The following IFT74 variants were observed in gnomAD, a reference collection of about 807,000 sequenced individuals.
IFT74 encodes the protein intraflagellar transport protein 74 homolog.
Under a neutral mutation model 96.7 loss-of-function variants are expected in IFT74, and 92 were observed. The ratio of observed to expected loss-of-function variants is 0.95; its 90% CI spans 0.80 to 1.13. IFT74 has a LOEUF of 1.13. Ranked by LOEUF, IFT74 falls within the 50% of genes most tolerant of loss-of-function variation. The probability of loss-of-function intolerance (pLI) is 0.00; values close to 1 mark genes in which losing one functional copy is unlikely to be tolerated. For synonymous variants in IFT74, 223 were observed against 213.2 expected (o/e 1.05, Z -0.40); for missense variants, 811 against 698.2 (o/e 1.16, Z -1.82).
chr9:26,996,809 C>T (rs185997261), intron 8 of IFT74, among the ~76,000 whole-genome samples: 3 of 152,210 alleles, frequency 2.0e-5, no homozygotes, highest in East Asian at 3.9e-4. Context: ...AGTTAAAATA[C>T]GTCACTTGTT....
chr9:26,996,969 G>T (rs1828189138), intron 8 of IFT74, among the ~76,000 whole-genome samples: 1 of 152,172 alleles, frequency 6.6e-6, no homozygotes, highest in Non-Finnish European at 1.5e-5. Context: ...CCAGCACTTT[G>T]GGAGGCCGAG....
intron 19 of IFT74, among the ~76,000 whole-genome samples, chr9:27,061,973 T>C (rs1458595750): frequency 6.6e-6 from 1 of 152,180 alleles, no homozygotes; most frequent in Non-Finnish European, 1.5e-5. Context: ...TTGTTTCCTA[T>C]TCCCTTCTTT....
chr9:26,978,277 G>T lies in IFT74; in HGVS notation c.256+14G>T. ...CTGGGACGAAAGGTACCTATTTTAA[G>T]ATAAGTATGACACTTGGGCCTGTGT... On this transcript the variant is annotated intron_variant, in intron 3 of 19. Transcript: ENST00000380062. 1 of 1,611,740 alleles carries T rather than the reference G, an allele frequency of 6.2e-7. No homozygotes were observed. Among genetic ancestry groups the T allele is most frequent in the South Asian group, 1.1e-5 (1 of 90,588 alleles).
At chr9:26,989,385 G>A (rs116356248) in intron 7 of IFT74, among the ~76,000 whole-genome samples, 1,932 of 152,110 alleles carry the variant, frequency 0.013, 38 homozygotes, top group African/African-American at 0.045. Context: ...TGTATTCAAT[G>A]TTCTTAGATT....
At chr9:26,979,503 C>T (rs1345756060) in intron 3 of IFT74, among the ~76,000 whole-genome samples, 3 of 151,894 alleles carry the variant, frequency 2.0e-5, no homozygotes, top group Non-Finnish European at 4.4e-5. Context: ...AGAGAGAATT[C>T]GGAACATTAC....
intron 9 of IFT74, among the ~76,000 whole-genome samples, chr9:27,011,289 A>G (rs971234974): frequency 6.6e-6 from 1 of 152,174 alleles, no homozygotes; most frequent in Non-Finnish European, 1.5e-5. Flanking sequence ...AAATGCCAAA[A>G]TAGTACCAAA....
At chr9:26,952,380 A>C (rs112510204), upstream of IFT74, among the ~76,000 whole-genome samples, 8,075 of 151,286 alleles carry the variant, frequency 0.053, 262 homozygotes, top group South Asian at 0.13. Context: ...GGGTTCAAGC[A>C]ATTCTCCTGC....
At chr9:26,979,729 T>TTC (rs1177193874) in intron 3 of IFT74, among the ~76,000 whole-genome samples, 76 of 146,946 alleles carry the variant, frequency 5.2e-4, no homozygotes, top group African/African-American at 1.8e-3. Context: ...TTTTTTTTTT[T>TTC]TGAGATGGGG....
chr9:26,975,800 G>A (rs939152614), intron 2 of IFT74, among the ~76,000 whole-genome samples: 1 of 152,104 alleles, frequency 6.6e-6, no homozygotes, highest in Non-Finnish European at 1.5e-5. Context: ...TCAGTCCCTC[G>A]TATTAGAGAT....
chr9:26,957,217 C>T lies in IFT74; in HGVS notation c.-20+701C>T, dbSNP rs1248844874. On this transcript the variant is annotated intron_variant, in intron 1 of 19. Transcript: ENST00000380062. The stretch of plus-strand genomic sequence containing the variant: ...TGCTAATGCCCGCCTCTTAATCCCA[C>T]TGGTAATAATATAATGGTAAGCTTT... Among the ~76,000 whole-genome samples the T allele has an allele frequency of 3.9e-5, 6 of 152,304 alleles. No homozygotes were observed. In the East Asian group the frequency reaches 5.8e-4, roughly 15 times the overall value.
chr9:26,970,267 A>G (rs1400355351), intron 2 of IFT74, among the ~76,000 whole-genome samples: 1 of 152,188 alleles, frequency 6.6e-6, no homozygotes, highest in Non-Finnish European at 1.5e-5. Flanking sequence ...CATACAAACA[A>G]TGGAGAAGTA....
At chr9:27,044,852 A>T in intron 14 of IFT74, 57 bp downstream of exon 14, 3 of 1,034,080 alleles carry the variant, frequency 2.9e-6, no homozygotes, top group African/African-American at 1.6e-5. Flanking sequence ...CTGTTCATTT[A>T]TACCAAATCA....
intron 13 of IFT74, 57 bp downstream of exon 13, chr9:27,029,161 A>G (rs1270361733): frequency 3.0e-6 from 4 of 1,340,212 alleles, no homozygotes; most frequent in East Asian, 2.3e-5. Context: ...GTATTAATAT[A>G]GTGTTAACTG....
At chr9:27,027,048 A>G (rs1382075356) in intron 12 of IFT74, among the ~76,000 whole-genome samples, 1 of 152,190 alleles carries the variant, frequency 6.6e-6, no homozygotes, top group Non-Finnish European at 1.5e-5. Context: ...CTTTGAAAAG[A>G]TAAACAAAAT....
rs775728464 is a variant in IFT74, at chr9:26,962,036, G to T, written c.69G>T (p.Arg23Ser). The T allele has an allele frequency of 6.2e-7, 1 of 1,614,130 alleles. No homozygotes were observed. The highest frequency in any genetic ancestry group is 1.1e-5 in the South Asian group (1 of 91,076). The change falls in exon 2 of 20, where the codon AGG (arginine) becomes AGT (serine). Residue 23 changes from arginine to serine, a missense_variant. By Grantham distance (110) the Arg-to-Ser change is moderately radical. Transcript: ENST00000380062. ...VSRGGVGLTG[R>S]PPSGIRPLSG... ...GAGGTGGAGTTGGGTTAACAGGAAG[G>T]CCTCCTTCTGGGATACGACCCCTAT...
chr9:27,059,642 A>G (rs564976431), intron 18 of IFT74, among the ~76,000 whole-genome samples: 2 of 152,368 alleles, frequency 1.3e-5, no homozygotes, highest in African/African-American at 2.4e-5. Flanking sequence ...TGATGTGATT[A>G]GTAATACCAG....
At chr9:27,028,420 ACT>A (rs1829972677) in intron 12 of IFT74, among the ~76,000 whole-genome samples, 1 of 152,172 alleles carries the variant, frequency 6.6e-6, no homozygotes, top group African/African-American at 2.4e-5. Context: ...AACTCAGGCA[ACT>A]AGTGTTCTCA....
At chr9:27,018,992 G>C (rs1485360136) in intron 12 of IFT74, among the ~76,000 whole-genome samples, 1 of 151,774 alleles carries the variant, frequency 6.6e-6, no homozygotes, top group Non-Finnish European at 1.5e-5. Context: ...ATCTTTTTGA[G>C]ACCAGGTCTC....
intron 8 of IFT74, among the ~76,000 whole-genome samples, chr9:27,005,917 G>T (rs1399746106): frequency 6.6e-6 from 1 of 152,020 alleles, no homozygotes; most frequent in Non-Finnish European, 1.5e-5. Flanking sequence ...TCGGCTCAAT[G>T]CAACCTCCAC....
Sources: gnomAD v4.1 joint callset for allele counts (sites outside exome capture counted in the v4.1 genomes callset) on GRCh38, gnomAD v4.1.1 for gene constraint, MANE v1.5 for transcripts, NCBI Gene and HGNC (gene_info 2026-07-23, HGNC 2026-07-21) for gene names.